ADGRV1: variants seen among roughly 807,000 people sequenced by gnomAD.
ADGRV1 encodes the protein adhesion G protein-coupled receptor V1, also known as G-protein coupled receptor 98.
In ADGRV1, 359 loss-of-function variants were observed where a neutral mutation model predicts 596.2. The ratio of observed to expected loss-of-function variants is 0.60; its 90% CI spans 0.55 to 0.66. The LOEUF (loss-of-function observed/expected upper bound fraction) is 0.66. Among genes scored for constraint, ADGRV1 ranks in the 30% least tolerant of loss-of-function variants. The pLI, the probability that ADGRV1 is intolerant of heterozygous loss-of-function variation, is 0.00. For synonymous variants in ADGRV1, 2,681 were observed against 2,679.2 expected (o/e 1.00, Z -0.02); for missense variants, 7,274 against 7,575.6 (o/e 0.96, Z 1.48).
Position 90,716,478 on chromosome 5 carries a change from G to T in ADGRV1, c.9196G>T (p.Val3066Phe), listed in dbSNP as rs912783937. 1.9e-6 allele frequency: 3 copies of T among 1,572,848 alleles called. No individual in the cohort carries two copies. The African/African-American group carries it at 4.1e-5, about 21-fold the overall frequency. The change falls in exon 43 of 90, where the codon GTC becomes TTC. Residue 3066 changes from valine to phenylalanine, a missense_variant. This residue lies in a region of ADGRV1 where 3,643 missense variants were observed against 3,809.2 expected (regional missense o/e 0.96). Transcript: ENST00000405460. ...LGKNTIALII[V>F]LANDDGPGVL... ...TTTTATTTTGGCAGCCTTAATTATTGTCCTTGCTAATGATGACGGCCCTGG... is the reference window on the plus strand; with the variant it reads ...TTTTATTTTGGCAGCCTTAATTATTTTCCTTGCTAATGATGACGGCCCTGG...
intron 85 of ADGRV1, among the ~76,000 whole-genome samples, chr5:90,989,191 T>C (rs1780755967): frequency 6.6e-6 from 1 of 152,000 alleles, no homozygotes. Flanking sequence ...GTATTTCTAG[T>C]TCTAGATCCC....
At chr5:90,648,706 T>C (rs1421870815) in intron 17 of ADGRV1, among the ~76,000 whole-genome samples, 2 of 152,210 alleles carry the variant, frequency 1.3e-5, no homozygotes, top group Admixed American at 6.5e-5. Context: ...CTGCTTCCTC[T>C]TTTTCTCCTT....
chr5:90,980,157 A>C (rs1779968329), intron 84 of ADGRV1, among the ~76,000 whole-genome samples: 1 of 152,198 alleles, frequency 6.6e-6, no homozygotes, highest in African/African-American at 2.4e-5. Context: ...ATTCAAGAGT[A>C]CATCATCTTT....
chr5:91,001,393 A>G (rs1289577167), intron 85 of ADGRV1, among the ~76,000 whole-genome samples: 1 of 152,122 alleles, frequency 6.6e-6, no homozygotes, highest in East Asian at 1.9e-4. Flanking sequence ...TCATTTTTTA[A>G]GAAGTCTGCA....
chr5:91,129,098 G>T (rs79164814), intron 87 of ADGRV1, among the ~76,000 whole-genome samples: 2 of 152,248 alleles, frequency 1.3e-5, no homozygotes, highest in East Asian at 3.9e-4. Flanking sequence ...TTTTCCTATG[G>T]CATTTATGAG....
chr5:90,822,929 T>C (rs1442932727), intron 75 of ADGRV1, among the ~76,000 whole-genome samples: 1 of 152,132 alleles, frequency 6.6e-6, no homozygotes, highest in Non-Finnish European at 1.5e-5. Flanking sequence ...GGCTCTCTGT[T>C]TGTCTGTTAT....
At chr5:90,849,464 A>G (rs370717199) in intron 79 of ADGRV1, among the ~76,000 whole-genome samples, 32 of 152,196 alleles carry the variant, frequency 2.1e-4, no homozygotes, top group Middle Eastern at 3.4e-3. Context: ...GTCTCGGCTC[A>G]CTTCAACCTC....
chr5:91,073,462 G>A (rs1321707687), intron 86 of ADGRV1, among the ~76,000 whole-genome samples: 1 of 152,174 alleles, frequency 6.6e-6, no homozygotes, highest in Non-Finnish European at 1.5e-5. Flanking sequence ...CATATATAAG[G>A]TCTCTAGAAT....
At chr5:90,990,943 CA>C (rs1310775670) in intron 85 of ADGRV1, among the ~76,000 whole-genome samples, 1 of 152,034 alleles carries the variant, frequency 6.6e-6, no homozygotes, top group Non-Finnish European at 1.5e-5. Flanking sequence ...CCTTATCATG[CA>C]AAGTGTAGGG....
chr5:90,874,671 C>T (rs1228585184), intron 83 of ADGRV1, among the ~76,000 whole-genome samples: 1 of 151,902 alleles, frequency 6.6e-6, no homozygotes, highest in East Asian at 1.9e-4. Flanking sequence ...ACCATCCTGG[C>T]TAACATGGTG....
At chr5:90,928,086 T>C (rs1581540785) in intron 83 of ADGRV1, among the ~76,000 whole-genome samples, 1 of 152,170 alleles carries the variant, frequency 6.6e-6, no homozygotes, top group East Asian at 1.9e-4. Context: ...ATTTCAACTT[T>C]GGTGAATCTG....
At chr5:90,947,949 AAC>A (rs1232430314) in intron 83 of ADGRV1, among the ~76,000 whole-genome samples, 3 of 152,170 alleles carry the variant, frequency 2.0e-5, no homozygotes, top group Non-Finnish European at 4.4e-5. Flanking sequence ...CTCACATGTA[AAC>A]ACAAAAGAAG....
intron 86 of ADGRV1, among the ~76,000 whole-genome samples, chr5:91,076,639 G>T (rs1041477496): frequency 6.6e-6 from 1 of 152,056 alleles, no homozygotes; most frequent in Non-Finnish European, 1.5e-5. Flanking sequence ...TCTCTGATCT[G>T]TTTGTAAATA....
Position 90,725,245 on chromosome 5 carries a change from T to G in ADGRV1, c.10053+13T>G. 1 of 1,325,406 alleles carries G rather than the reference T, an allele frequency of 7.5e-7. No homozygotes were observed. Among genetic ancestry groups the G allele is most frequent in the Non-Finnish European group, 1.0e-6 (1 of 982,852 alleles). 82.1% of individuals were successfully genotyped at this position (1,325,406 alleles called of 1,614,324 possible). On this transcript the variant is annotated intron_variant, in intron 47 of 89. Coordinates refer to ENST00000405460, the MANE Select transcript of ADGRV1 (RefSeq NM_032119.4). ...TAAATTATTCCTGGTAAAAACATTTTCATTTTTAAATAGATTACTTTCTTT... is the reference window on the plus strand; with the variant it reads ...TAAATTATTCCTGGTAAAAACATTTGCATTTTTAAATAGATTACTTTCTTT...
intron 87 of ADGRV1, among the ~76,000 whole-genome samples, chr5:91,137,261 C>T (rs1420024202): frequency 6.6e-6 from 1 of 151,988 alleles, no homozygotes; most frequent in East Asian, 1.9e-4. Flanking sequence ...CTTTGTTTTC[C>T]ATTCGACTTT....
chr5:91,111,238 A>T (rs1348631918), intron 87 of ADGRV1, among the ~76,000 whole-genome samples: 2 of 150,900 alleles, frequency 1.3e-5, no homozygotes, highest in African/African-American at 2.4e-5. Context: ...TCGCTCTCTT[A>T]CTCTCCACCC....
chr5:91,072,739 C>T (rs570884424), intron 86 of ADGRV1, 135 bp downstream of exon 86: 40 of 809,952 alleles, frequency 4.9e-5, no homozygotes, highest in South Asian at 4.2e-4. Context: ...TAAGCTATAG[C>T]TCTCCAGTTT....
At chr5:90,893,416 C>T (rs893168546) in intron 83 of ADGRV1, among the ~76,000 whole-genome samples, 3 of 152,140 alleles carry the variant, frequency 2.0e-5, no homozygotes, top group Non-Finnish European at 1.5e-5. Flanking sequence ...TCGCACACAA[C>T]TACCCTAGTC....
intron 39 of ADGRV1, among the ~76,000 whole-genome samples, chr5:90,710,309 C>T (rs1417247061): frequency 2.0e-5 from 3 of 151,968 alleles, no homozygotes; most frequent in Non-Finnish European, 4.4e-5. Context: ...TTAAGACTAG[C>T]CCAGGAGCAG....
Sources: gnomAD v4.1 joint callset for allele counts (sites outside exome capture counted in the v4.1 genomes callset) on GRCh38, gnomAD v4.1.1 for gene constraint, gnomAD v4.1.1 regional missense constraint, MANE v1.5 for transcripts, NCBI Gene and HGNC (gene_info 2026-07-23, HGNC 2026-07-21) for gene names.